The following TAFA1 variants were observed in gnomAD, a reference collection of about 807,000 sequenced individuals.
TAFA1 encodes the protein chemokine-like protein TAFA-1.
TAFA1 carries 4 observed loss-of-function variants against 18.5 expected under a neutral mutation model. The observed-to-expected ratio is 0.22, with a 90% CI of 0.11 to 0.49. The LOEUF is 0.49. Ranked by LOEUF, TAFA1 falls within the 20% of genes least tolerant of loss-of-function variation. TAFA1 has a pLI of 0.98. For missense variants in TAFA1, 147 were observed against 169.0 expected, an observed-to-expected ratio of 0.87 and a Z score of 0.72; for synonymous variants, 56 against 55.2, an observed-to-expected ratio of 1.01 and a Z score of -0.06.
intron 3 of TAFA1, among the ~76,000 whole-genome samples, chr3:68,472,621 T>C (rs552352376): frequency 2.0e-5 from 3 of 152,276 alleles, no homozygotes; most frequent in African/African-American, 7.2e-5. Context: ...TATATACTGG[T>C]TGTGATATTG....
In TAFA1 at chr3:68,467,380, C is replaced by T. The variant is rs2071908814; in HGVS notation, c.259+49960C>T. 6.6e-5 allele frequency among the ~76,000 whole-genome samples: 10 copies of T among 152,298 alleles called. No homozygotes were observed. In the South Asian group the frequency reaches 2.1e-3, roughly 32 times the overall value. On this transcript the variant is annotated intron_variant, in intron 3 of 4. Coordinates refer to ENST00000478136, the MANE Select transcript of TAFA1 (RefSeq NM_213609.4). ...TGAAATCTTCACAGTTTATGTTCTTCTGTCATGGCTTCAGCAGGTCCCTCC... is the reference window on the plus strand; with the variant it reads ...TGAAATCTTCACAGTTTATGTTCTTTTGTCATGGCTTCAGCAGGTCCCTCC...
chr3:68,285,539 T>C (rs2067983736), intron 2 of TAFA1, among the ~76,000 whole-genome samples: 1 of 152,264 alleles, frequency 6.6e-6, no homozygotes, highest in African/African-American at 2.4e-5. Context: ...AGAATAGATT[T>C]ATTAATATAA....
chr3:68,507,348 C>CA (rs919030132), intron 3 of TAFA1, among the ~76,000 whole-genome samples: 3 of 151,536 alleles, frequency 2.0e-5, no homozygotes, highest in African/African-American at 7.3e-5. Context: ...ACTACTGAGA[C>CA]AAAAAATTTA....
At chr3:68,468,769 A>ATT (rs892760674) in intron 3 of TAFA1, among the ~76,000 whole-genome samples, 2 of 152,102 alleles carry the variant, frequency 1.3e-5, no homozygotes, top group Non-Finnish European at 2.9e-5. Flanking sequence ...GATTTATGGG[A>ATT]TTTTTTCACT....
intron 2 of TAFA1, among the ~76,000 whole-genome samples, chr3:68,025,690 T>A (rs1403233344): frequency 6.6e-6 from 1 of 152,162 alleles, no homozygotes; most frequent in African/African-American, 2.4e-5. Flanking sequence ...TCTGTATTCA[T>A]TGGCTCTTGC....
chr3:68,436,537 A>G (rs1357864485), intron 3 of TAFA1, among the ~76,000 whole-genome samples: 1 of 152,150 alleles, frequency 6.6e-6, no homozygotes, highest in Admixed American at 6.6e-5. Context: ...AGTTGGGGCC[A>G]AATTTCTTTC....
At chr3:68,027,946 T>C (rs1298431859) in intron 2 of TAFA1, among the ~76,000 whole-genome samples, 4 of 152,200 alleles carry the variant, frequency 2.6e-5, no homozygotes, top group Admixed American at 6.5e-5. Flanking sequence ...TTTTGGCTTC[T>C]TACATATGTA....
At chr3:68,366,782 G>A (rs905431861) in intron 2 of TAFA1, among the ~76,000 whole-genome samples, 4 of 152,194 alleles carry the variant, frequency 2.6e-5, no homozygotes, top group Non-Finnish European at 4.4e-5. Context: ...ATTAAATGAT[G>A]TGTCCAGTGA....
chr3:68,096,051 T>C (rs2065083522), intron 2 of TAFA1, among the ~76,000 whole-genome samples: 1 of 152,072 alleles, frequency 6.6e-6, no homozygotes, highest in African/African-American at 2.4e-5. Flanking sequence ...TTAACCAACT[T>C]CTTTTCATTC....
intron 2 of TAFA1, among the ~76,000 whole-genome samples, chr3:68,358,486 A>G (rs902979051): frequency 1.3e-5 from 2 of 151,968 alleles, no homozygotes; most frequent in African/African-American, 2.4e-5. Context: ...AACTTGCCCA[A>G]GAAAAACTAG....
intron 2 of TAFA1, among the ~76,000 whole-genome samples, chr3:68,375,178 T>C (rs536473504): frequency 2.6e-4 from 39 of 152,208 alleles, no homozygotes; most frequent in Non-Finnish European, 5.0e-4. Flanking sequence ...AGCCTCATTT[T>C]TCTCTCTGCT....
At chr3:68,277,841 C>G (rs2067824097) in intron 2 of TAFA1, among the ~76,000 whole-genome samples, 1 of 152,174 alleles carries the variant, frequency 6.6e-6, no homozygotes, top group Admixed American at 6.6e-5. Flanking sequence ...TTTTCCTCTA[C>G]TCAACAATAT....
At chr3:68,036,163 A>G (rs1374568550) in intron 2 of TAFA1, among the ~76,000 whole-genome samples, 2 of 152,152 alleles carry the variant, frequency 1.3e-5, no homozygotes, top group Non-Finnish European at 2.9e-5. Flanking sequence ...TTTTACAGCC[A>G]GGCACGCTGT....
At position 68,048,698 on chromosome 3, in the gene TAFA1, G is replaced by A. The variant is rs538492910; in HGVS notation, c.118+41954G>A. On this transcript the variant is annotated intron_variant, in intron 2 of 4. Transcript: ENST00000478136. ...ATTTTTTCAGCTCCCACAAATAAAT[G>A]AGAATATGTGAAGTTTGTCTTTCTT... Among the ~76,000 whole-genome samples the A allele has an allele frequency of 5.3e-5, 8 of 152,062 alleles. No individual in the cohort carries two copies. The South Asian group carries it at 1.7e-3, about 32-fold the overall frequency.
intron 2 of TAFA1, among the ~76,000 whole-genome samples, chr3:68,151,534 G>T (rs990674072): frequency 6.6e-6 from 1 of 152,136 alleles, no homozygotes; most frequent in Non-Finnish European, 1.5e-5. Flanking sequence ...TTCCAGGCAA[G>T]GGAGGGCCTT....
At chr3:68,439,755 C>A (rs1039377040) in intron 3 of TAFA1, among the ~76,000 whole-genome samples, 4 of 151,858 alleles carry the variant, frequency 2.6e-5, no homozygotes, top group Non-Finnish European at 5.9e-5. Context: ...TTTGGCAACA[C>A]CCTGATAGAC....
chr3:68,099,827 T>C (rs1214558069), intron 2 of TAFA1, among the ~76,000 whole-genome samples: 1 of 152,104 alleles, frequency 6.6e-6, no homozygotes, highest in Non-Finnish European at 1.5e-5. Context: ...TAAAAAAGAA[T>C]GAAACCATGC....
rs138205287 is a variant in TAFA1 at position 68,060,791 on chromosome 3, T to G, written c.118+54047T>G. Among the ~76,000 whole-genome samples the G allele has an allele frequency of 5.7e-3, 862 of 152,320 alleles. 10 individuals are homozygous for G. The highest frequency in any genetic ancestry group is 0.02 in the African/African-American group (837 of 41,568). On this transcript the variant is annotated intron_variant, in intron 2 of 4. Transcript: ENST00000478136. ...CTTGAGAAAGGCTGTATAATTTTAT[T>G]GAGCAATATTTCTTCTTTAAATGGG...
intron 2 of TAFA1, among the ~76,000 whole-genome samples, chr3:68,131,692 C>A (rs772714588): frequency 6.6e-6 from 1 of 152,196 alleles, no homozygotes; most frequent in Admixed American, 6.5e-5. Flanking sequence ...CAGCCATCAG[C>A]GTTCAAGGCT....
Sources: allele counts gnomAD v4.1 joint callset (sites outside exome capture counted in the v4.1 genomes callset), GRCh38; gene constraint gnomAD v4.1.1; transcripts MANE v1.5; gene names NCBI Gene and HGNC (gene_info 2026-07-23, HGNC 2026-07-21).